Variants in AGAP1 observed in about 807,000 individuals in gnomAD.
The protein encoded by AGAP1 is ArfGAP with GTPase domain, ankyrin repeat and PH domain 1.
Under a neutral mutation model 105.3 loss-of-function variants are expected in AGAP1, and 29 were observed. The ratio of observed to expected loss-of-function variants is 0.28; its 90% confidence interval spans 0.21 to 0.38. The LOEUF (loss-of-function observed/expected upper bound fraction) is 0.38. AGAP1 is among the 10% of genes least tolerant of loss of function. AGAP1 has a pLI of 1.00. For synonymous variants in AGAP1, 509 were observed against 485.9 expected, an observed-to-expected ratio of 1.05 and a Z score of -0.63; for missense variants, 998 against 1,165.1, an observed-to-expected ratio of 0.86 and a Z score of 2.09.
intron 6 of AGAP1, among the ~76,000 whole-genome samples, chr2:235,762,800 G>A (rs1433585194): frequency 1.3e-5 from 2 of 152,164 alleles, no homozygotes; most frequent in African/African-American, 2.4e-5. Flanking sequence ...TTGGACCCAG[G>A]AGGCAGAGGT....
chr2:235,745,899 A>AG (rs1417385284), intron 5 of AGAP1, among the ~76,000 whole-genome samples: 1 of 152,210 alleles, frequency 6.6e-6, no homozygotes, highest in Non-Finnish European at 1.5e-5. Context: ...AGGCCCAGGC[A>AG]GGTGGGATCA....
In AGAP1 at chr2:235,698,261, G is replaced by T. The variant is rs576365813; in HGVS notation, c.164-10918G>T. Among the ~76,000 whole-genome samples, 50 of 138,944 alleles carry T rather than the reference G, an allele frequency of 3.6e-4. No individual in the cohort carries two copies. In the South Asian group the frequency reaches 4.9e-3, roughly 14 times the overall value. The allele number at this position is 138,944 out of a possible 152,430, so 91.2% of individuals were successfully genotyped here. A position where few individuals can be genotyped will look rare whatever the true frequency, so the allele number is the denominator to read the frequency against. ...CTTATGGGGAGCAGCTGTAAATACAGATGAAGCTTCGCTTTGCTTGCTCAC... is the reference window on the plus strand; with the variant it reads ...CTTATGGGGAGCAGCTGTAAATACATATGAAGCTTCGCTTTGCTTGCTCAC... On this transcript the variant is annotated intron_variant, in intron 1 of 17. Transcript: ENST00000304032.
intron 3 of AGAP1, among the ~76,000 whole-genome samples, chr2:235,727,435 A>T (rs1451288761): frequency 1.3e-5 from 2 of 152,168 alleles, no homozygotes; most frequent in African/African-American, 4.8e-5. Context: ...GTGCTAAAGG[A>T]GAAGCACCTG....
rs1172935288 is a variant in AGAP1, at chr2:236,083,402, A to T, written c.2114+34121A>T. ...TTTTCTCTAAAGGAAAGATTAAAGGATTGTTTTCATTTTATTATAAGGAAG... is the reference window on the plus strand; with the variant it reads ...TTTTCTCTAAAGGAAAGATTAAAGGTTTGTTTTCATTTTATTATAAGGAAG... On this transcript the variant is annotated intron_variant, in intron 16 of 17. Transcript: ENST00000304032. The surrounding 1 kb of genome is among the most constrained non-coding windows in gnomAD (Gnocchi z 5.3). Among the ~76,000 whole-genome samples the T allele has an allele frequency of 6.6e-6, 1 of 152,212 alleles. No homozygotes were observed. Among genetic ancestry groups the T allele is most frequent in the Admixed American group, 6.5e-5 (1 of 15,288 alleles).
At chr2:235,646,963 G>A (rs1448797371) in intron 1 of AGAP1, among the ~76,000 whole-genome samples, 3 of 152,094 alleles carry the variant, frequency 2.0e-5, no homozygotes, top group African/African-American at 7.2e-5. Flanking sequence ...GTGAAACCCC[G>A]TCTCCACTAA....
At chr2:235,589,186 A>ATTTTTTTTTTTTTTTTTTT (rs1559270688) in intron 1 of AGAP1, among the ~76,000 whole-genome samples, 2 of 35,086 alleles carry the variant, frequency 5.7e-5, no homozygotes, top group Non-Finnish European at 1.2e-4. Context: ...TTAATAGCTT[A>ATTTTTTTTTTTTTTTTTTT]TTGTTTTGTT....
At chr2:236,075,511 C>G (rs4302176) in intron 16 of AGAP1, among the ~76,000 whole-genome samples, 130,646 of 152,100 alleles carry the variant, frequency 0.86, 56,479 homozygotes, top group East Asian at 0.96. Flanking sequence ...GGGTGAGGAT[C>G]AAGGAAGCTG....
At position 236,101,656 on chromosome 2, in the gene AGAP1, C is replaced by T. The variant is rs567640694; in HGVS notation, c.2115-18536C>T. 7.9e-5 allele frequency among the ~76,000 whole-genome samples: 12 copies of T among 152,206 alleles called. No homozygotes were observed. The highest frequency in any genetic ancestry group is 1.6e-4 in the Non-Finnish European group (11 of 68,044). ...AAAAGGGCCATTTCTCTTCCCTTAT[C>T]TGTTTATGATGCGATATGTTCCAAA... On this transcript the variant is annotated intron_variant, in intron 16 of 17. Transcript: ENST00000304032. This position sits in a 1 kb window ranked among gnomAD's most constrained non-coding sequence, Gnocchi z 4.9.
chr2:235,765,377 G>A (rs1954857937), intron 6 of AGAP1, among the ~76,000 whole-genome samples: 1 of 152,038 alleles, frequency 6.6e-6, no homozygotes, highest in Non-Finnish European at 1.5e-5. Flanking sequence ...TTCCCCATGG[G>A]TGGTAGTCTC....
chr2:235,818,454 G>T (rs534504643), intron 9 of AGAP1, among the ~76,000 whole-genome samples: 1 of 151,966 alleles, frequency 6.6e-6, no homozygotes, highest in South Asian at 2.1e-4. Flanking sequence ...TTGTTTGTTT[G>T]TTTGTTTTGA....
In AGAP1 at chr2:235,706,583, C is replaced by A. The variant is rs144108245; in HGVS notation, c.164-2596C>A. 4.4e-3 allele frequency among the ~76,000 whole-genome samples: 673 copies of A among 152,294 alleles called. 6 individuals carry two copies. The highest frequency in any genetic ancestry group is 0.015 in the African/African-American group (625 of 41,580). On this transcript the variant is annotated intron_variant, in intron 1 of 17. Coordinates refer to ENST00000304032, the MANE Select transcript of AGAP1 (RefSeq NM_001037131.3). Reference sequence around the variant, plus strand: ...TTTTTAGAAATGCATTTGTGAGGATCCTATCCATCTCTGTATCGCACCTGG... The same window carrying A: ...TTTTTAGAAATGCATTTGTGAGGATACTATCCATCTCTGTATCGCACCTGG...
At chr2:235,671,041 C>T (rs923196729) in intron 1 of AGAP1, 1 of 1,288,302 alleles carries the variant, frequency 7.8e-7, no homozygotes, top group Non-Finnish European at 9.8e-7. Context: ...AGAGCATCGA[C>T]GGCTCCCCGC....
In AGAP1 at chr2:235,690,978, G is replaced by A. The variant is rs1227575760; in HGVS notation, c.164-18201G>A. ...TATGCCAGGAGCCTTCTTGGAAGTCGCTCACCACCTGGTTTTCTCCAATTA... is the reference window on the plus strand; with the variant it reads ...TATGCCAGGAGCCTTCTTGGAAGTCACTCACCACCTGGTTTTCTCCAATTA... On this transcript the variant is annotated intron_variant, in intron 1 of 17. Coordinates refer to ENST00000304032, the MANE Select transcript of AGAP1 (RefSeq NM_001037131.3). The surrounding 1 kb of genome is among the most constrained non-coding windows in gnomAD (Gnocchi z 4.1). 1.3e-5 allele frequency among the ~76,000 whole-genome samples: 2 copies of A among 152,070 alleles called. No individual in the cohort carries two copies.
rs1185227634 is a variant in AGAP1, at chr2:235,633,668, C to T, written c.164-75511C>T. On this transcript the variant is annotated intron_variant, in intron 1 of 17. Coordinates refer to ENST00000304032, the MANE Select transcript of AGAP1 (RefSeq NM_001037131.3). The surrounding 1 kb of genome is among the most constrained non-coding windows in gnomAD (Gnocchi z 4.8). Reference sequence around the variant, plus strand: ...ACAAGGCCTGTCTGTTCAGATTCCTCTTGGCCTCTGTGTAACATTTCTTCC... The same window carrying T: ...ACAAGGCCTGTCTGTTCAGATTCCTTTTGGCCTCTGTGTAACATTTCTTCC... Among the ~76,000 whole-genome samples, 1 of 152,158 alleles carries T rather than the reference C, an allele frequency of 6.6e-6. No individual in the cohort carries two copies. Among genetic ancestry groups the T allele is most frequent in the African/African-American group, 2.4e-5 (1 of 41,444 alleles).
intron 13 of AGAP1, among the ~76,000 whole-genome samples, chr2:235,978,618 A>G (rs1014882032): frequency 6.6e-6 from 1 of 152,154 alleles, no homozygotes; most frequent in Non-Finnish European, 1.5e-5. Flanking sequence ...TGGGACTTGG[A>G]AGTCTGTATT....
Position 235,829,965 on chromosome 2 carries a change from T to C in AGAP1, c.1050+22634T>C, listed in dbSNP as rs74986724. ...CTCTGGGGACCGGCACATCTGGACA[T>C]GGACAGTCAAAGGAAGACTGGGGGC... is the stretch of plus-strand genomic sequence containing the variant. On this transcript the variant is annotated intron_variant, in intron 9 of 17. Coordinates refer to ENST00000304032, the MANE Select transcript of AGAP1 (RefSeq NM_001037131.3). Among the ~76,000 whole-genome samples, 19 of 152,020 alleles carry C rather than the reference T, an allele frequency of 1.2e-4. No homozygotes were observed. The East Asian group carries it at 3.7e-3, about 29-fold the overall frequency.
At position 236,053,425 on chromosome 2, in the gene AGAP1, C is replaced by T. The variant is rs903745438; in HGVS notation, c.2114+4144C>T. Among the ~76,000 whole-genome samples the T allele has an allele frequency of 9.9e-5, 15 of 152,244 alleles. No individual in the cohort carries two copies. Among genetic ancestry groups the T allele is most frequent in the Admixed American group, 1.3e-4 (2 of 15,286 alleles). The stretch of plus-strand genomic sequence containing the variant: ...CCGTCTCAGTAAACCCGTCCACGCA[C>T]ATCCTCTCTCCCTCGCGGTACAGCA... On this transcript the variant is annotated intron_variant, in intron 16 of 17. Coordinates refer to ENST00000304032, the MANE Select transcript of AGAP1 (RefSeq NM_001037131.3). The surrounding 1 kb of genome is among the most constrained non-coding windows in gnomAD (Gnocchi z 4.6).
chr2:235,832,575 G>A (rs1418718447), intron 9 of AGAP1, among the ~76,000 whole-genome samples: 1 of 152,202 alleles, frequency 6.6e-6, no homozygotes, highest in African/African-American at 2.4e-5. Flanking sequence ...GTTATATATT[G>A]TAGACATTCT....
intron 13 of AGAP1, among the ~76,000 whole-genome samples, chr2:235,980,055 C>T (rs1489788251): frequency 1.3e-5 from 2 of 152,204 alleles, no homozygotes; most frequent in Non-Finnish European, 2.9e-5. Context: ...TACCGCTTGA[C>T]AGTAATGATC....
Sources: allele counts gnomAD v4.1 joint callset (sites outside exome capture counted in the v4.1 genomes callset), GRCh38; gene constraint gnomAD v4.1.1; non-coding constraint Gnocchi (gnomAD v3.1); transcripts MANE v1.5; gene names NCBI Gene and HGNC (gene_info 2026-07-23, HGNC 2026-07-21).